The following LRRCC1 variants were observed in gnomAD, a reference collection of about 807,000 sequenced individuals.
LRRCC1 encodes leucine-rich repeat and coiled-coil domain-containing protein 1.
Under a neutral mutation model 126.0 loss-of-function variants are expected in LRRCC1, and 115 were observed. The observed-to-expected ratio is 0.91, with a 90% confidence interval of 0.78 to 1.07. The LOEUF is 1.07. Ranked by LOEUF, LRRCC1 falls within the 50% of genes least tolerant of loss-of-function variation. LRRCC1 has a pLI of 0.00. For missense variants in LRRCC1, 1,172 were observed against 1,175.7 expected, an observed-to-expected ratio of 1.00 and a Z score of 0.05; for synonymous variants, 400 against 393.4, an observed-to-expected ratio of 1.02 and a Z score of -0.20.
intron 9 of LRRCC1, 129 bp downstream of exon 9, chr8:85,126,966 A>G (rs990098510): frequency 2.6e-6 from 2 of 775,642 alleles, no homozygotes; most frequent in African/African-American, 3.5e-5. Flanking sequence ...GATTTGAACT[A>G]ATTTTATTAG....
At chr8:85,125,670 CAAAAAAA>C (rs71273921) in intron 8 of LRRCC1, among the ~76,000 whole-genome samples, 2 of 51,962 alleles carry the variant, frequency 3.8e-5, no homozygotes, top group East Asian at 4.8e-4. Flanking sequence ...GAGACTCCGT[CAAAAAAA>C]AAAAAAAAAA....
chr8:85,140,973 T>C (rs1171710987), intron 17 of LRRCC1, among the ~76,000 whole-genome samples: 1 of 151,892 alleles, frequency 6.6e-6, no homozygotes, highest in Non-Finnish European at 1.5e-5. Context: ...GGCTGAAGCA[T>C]GAGAATCACT....
At chr8:85,138,732 C>A (rs572591634) in intron 17 of LRRCC1, among the ~76,000 whole-genome samples, 1 of 152,210 alleles carries the variant, frequency 6.6e-6, no homozygotes, top group East Asian at 1.9e-4. Context: ...GTTCTTAGAA[C>A]AGTGCCTGAC....
chr8:85,137,582 C>T lies in LRRCC1; in HGVS notation c.2448C>T (p.Cys816=), dbSNP rs768616076. ...ESDSDALRIK[C]KIIDDQTETI... is the part of the protein sequence containing the mutation. Reference sequence around the variant, plus strand: ...ATAGTGATGCATTAAGAATAAAGTGCAAAATCATAGACGACCAAACTGAAA... The same window carrying T: ...ATAGTGATGCATTAAGAATAAAGTGTAAAATCATAGACGACCAAACTGAAA... Residue 816 remains cysteine, a synonymous_variant, in exon 15 of 19, where the codon TGC becomes TGT. Transcript: ENST00000360375. 2.0e-6 allele frequency: 3 copies of T among 1,500,446 alleles called. No homozygotes were observed. Among genetic ancestry groups the T allele is most frequent in the East Asian group, 2.5e-5 (1 of 39,510 alleles). 92.9% of individuals were successfully genotyped at this position (1,500,446 alleles called of 1,614,324 possible).
chr8:85,144,467 TATATATA>T (rs1563963571), intron 18 of LRRCC1, among the ~76,000 whole-genome samples: 334 of 18,578 alleles, frequency 0.018, 2 homozygotes, highest in South Asian at 0.048. Flanking sequence ...TATATATATA[TATATATA>T]TTTTTTTTTT....
chr8:85,114,933 G>C (rs1808988591), intron 4 of LRRCC1, among the ~76,000 whole-genome samples, 167 bp from the exon 5 acceptor site: 2 of 152,202 alleles, frequency 1.3e-5, no homozygotes, highest in East Asian at 3.9e-4. Context: ...TGTATGTAAG[G>C]ATTTAATGAT....
intron 13 of LRRCC1, among the ~76,000 whole-genome samples, 177 bp from the exon 14 acceptor site, chr8:85,135,612 G>A (rs187554393): frequency 2.6e-5 from 4 of 151,950 alleles, no homozygotes; most frequent in Admixed American, 1.3e-4. Context: ...TCTTAAATTC[G>A]ACTGTTTATT....
chr8:85,138,424 A>G lies in LRRCC1; in HGVS notation c.2789A>G (p.Asn930Ser). 1 of 1,613,066 alleles carries G rather than the reference A, an allele frequency of 6.2e-7. No homozygotes were observed. The highest frequency in any genetic ancestry group is 8.5e-7 in the Non-Finnish European group (1 of 1,179,674). The change falls in exon 17 of 19, where the codon AAC (asparagine) becomes AGC (serine). Residue 930 changes from asparagine (N) to serine (S), a missense_variant. Transcript: ENST00000360375. Reference protein sequence around the residue: ...QVKEVKEKFENKEKKLKAERD... With the variant: ...QVKEVKEKFESKEKKLKAERD... ...AAAGAAGTGAAAGAAAAATTTGAAA[A>G]CAAGGAAAAGAAACTTAAAGCGGAA... is the stretch of plus-strand genomic sequence containing the variant.
At chr8:85,144,099 G>A (rs906118263) in intron 18 of LRRCC1, among the ~76,000 whole-genome samples, 4 of 152,122 alleles carry the variant, frequency 2.6e-5, no homozygotes, top group Non-Finnish European at 5.9e-5. Context: ...CTAGGAGAAT[G>A]TAGGTTAGGA....
rs1279829766 is a variant in LRRCC1, at chr8:85,141,501, A to G, written c.2960A>G (p.Asp987Gly). The G allele has an allele frequency of 2.5e-6, 4 of 1,607,856 alleles. No homozygotes were observed. Among genetic ancestry groups the G allele is most frequent in the Non-Finnish European group, 3.4e-6 (4 of 1,176,078 alleles). ...GCCAATGAAAAGCAGAAGTGTATTGATTCTGCAAATTTAAAGGTATTGTAA... is the reference window on the plus strand; with the variant it reads ...GCCAATGAAAAGCAGAAGTGTATTGGTTCTGCAAATTTAAAGGTATTGTAA... The part of the protein sequence containing the change: ...QLANEKQKCI[D>G]SANLKVHQIE... Residue 987 changes from aspartate (D) to glycine (G), a missense_variant, in exon 18 of 19, where the codon GAT becomes GGT. Physicochemically the swap from Asp to Gly is moderately conservative, Grantham distance 94 (BLOSUM62 -1). Coordinates refer to ENST00000360375, the MANE Select transcript of LRRCC1 (RefSeq NM_033402.5).
intron 4 of LRRCC1, among the ~76,000 whole-genome samples, chr8:85,113,547 CATAT>C (rs1274179735): frequency 3.3e-5 from 5 of 151,926 alleles, no homozygotes; most frequent in African/African-American, 9.7e-5. Flanking sequence ...TACGTACATA[CATAT>C]ATATGTATGC....
intron 6 of LRRCC1, among the ~76,000 whole-genome samples, chr8:85,120,084 C>T (rs1809421900): frequency 6.6e-6 from 1 of 152,018 alleles, no homozygotes; most frequent in South Asian, 2.1e-4. Flanking sequence ...CCATTTTGTT[C>T]AGAGAACATA....
chr8:85,126,854 A>C lies in LRRCC1; in HGVS notation c.1421+17A>C. On this transcript the variant is annotated intron_variant, in intron 9 of 18. Transcript: ENST00000360375. ...CACAGATAGGTAAAAAGAAATTAAT[A>C]AACCTGAAGATACCTCATAGCATAA... 6.3e-7 allele frequency: 1 copy of C among 1,590,406 alleles called. No individual in the cohort carries two copies. The highest frequency in any genetic ancestry group is 8.6e-7 in the Non-Finnish European group (1 of 1,168,872).
rs1051451993 is a variant in LRRCC1 at position 85,145,500 on chromosome 8, C to T, written c.3088C>T (p.Gln1030Ter). ...TGCTTTTGCTTTAAATGAAATTCAG[C>T]AAGATATGTGATGGTTCTGAGAATG... ...QLAFALNEIQQDM is the reference protein window; with the variant it reads ...QLAFALNEIQ The change falls in exon 19 of 19, where the codon CAA (glutamine) becomes TAA (stop). Residue 1030 changes from glutamine (Q) to a stop codon, truncating the protein, a stop_gained. Transcript: ENST00000360375. LOFTEE classifies it high-confidence loss of function. 30 of 1,583,826 alleles carry T rather than the reference C, an allele frequency of 1.9e-5. No homozygotes were observed. Among genetic ancestry groups the T allele is most frequent in the African/African-American group, 4.1e-5 (3 of 73,550 alleles).
chr8:85,141,809 C>T (rs568585793), intron 18 of LRRCC1, among the ~76,000 whole-genome samples: 75 of 152,276 alleles, frequency 4.9e-4, no homozygotes, highest in African/African-American at 1.6e-3. Flanking sequence ...ATAGGAGTCT[C>T]TTTGGTTACA....
rs1809740781 is a variant in LRRCC1 at position 85,123,600 on chromosome 8, T to A, written c.1118T>A (p.Phe373Tyr). 3.8e-6 allele frequency: 6 copies of A among 1,571,674 alleles called. No homozygotes were observed. In the South Asian group the frequency reaches 7.2e-5, roughly 19 times the overall value. Residue 373 changes from phenylalanine to tyrosine, a missense_variant, in exon 7 of 19, where the codon TTT becomes TAT. Phe to Tyr is a conservative substitution (Grantham distance 22). Coordinates refer to ENST00000360375, the MANE Select transcript of LRRCC1 (RefSeq NM_033402.5). The stretch of plus-strand genomic sequence containing the variant: ...CACCACAATAAAAACTACAACTCTT[T>A]TGTAAGGTACTTGTTTTAGTTTTAG... Reference protein sequence around the residue: ...IKHHNKNYNSFVSCNRKMKPP... With the variant: ...IKHHNKNYNSYVSCNRKMKPP...
intron 3 of LRRCC1, 93 bp from the exon 4 acceptor site, chr8:85,112,839 C>A: frequency 1.2e-6 from 1 of 834,508 alleles, no homozygotes; most frequent in Non-Finnish European, 1.8e-6. Context: ...TGCCCGTTTG[C>A]CTCTAAAAGT....
intron 8 of LRRCC1, 51 bp downstream of exon 8, chr8:85,124,990 G>A: frequency 7.4e-7 from 1 of 1,344,072 alleles, no homozygotes; most frequent in Non-Finnish European, 1.0e-6. Flanking sequence ...TTTAAATACA[G>A]AGTCCCAGAA....
At chr8:85,130,976 A>G (rs1186030762) in intron 11 of LRRCC1, among the ~76,000 whole-genome samples, 1 of 152,240 alleles carries the variant, frequency 6.6e-6, no homozygotes, top group Non-Finnish European at 1.5e-5. Flanking sequence ...AATAATTTCA[A>G]CATTTTCAGT....
Sources: gnomAD v4.1 joint callset for allele counts (sites outside exome capture counted in the v4.1 genomes callset) on GRCh38, gnomAD v4.1.1 for gene constraint, MANE v1.5 for transcripts, NCBI Gene and HGNC (gene_info 2026-07-23, HGNC 2026-07-21) for gene names.